MYH15: variants seen among roughly 807,000 people sequenced by gnomAD.
MYH15 encodes myosin-15.
Under a neutral mutation model 240.5 loss-of-function variants are expected in MYH15, and 227 were observed. That is an observed-to-expected ratio of 0.94 (90% confidence interval 0.85 to 1.05). MYH15 has a LOEUF of 1.05. Among genes scored for constraint, MYH15 ranks in the 50% least tolerant of loss-of-function variants. The pLI, the probability that MYH15 is intolerant of heterozygous loss-of-function variation, is 0.00. For missense variants in MYH15, 2,217 were observed against 2,247.5 expected, an observed-to-expected ratio of 0.99 and a Z score of 0.27; for synonymous variants, 785 against 796.7, an observed-to-expected ratio of 0.99 and a Z score of 0.25.
the MYH15 span, among the ~76,000 whole-genome samples, chr3:108,547,761 AAGT>A: frequency 6.6e-6 from 1 of 152,196 alleles, no homozygotes; most frequent in Non-Finnish European, 1.5e-5. Context: ...TACCTTTAAA[AAGT>A]AGGAAAATAT....
Position 108,500,268 on chromosome 3 carries a change from A to C in MYH15, c.346T>G (p.Ser116Ala), listed in dbSNP as rs1168730539. The part of the protein sequence containing the change: ...RYGQWMIYTY[S>A]GLFCVTINPY... ...TTTATGGTCACACAGAAGAGACCTG[A>C]ATATGTCTGAGGGAAAATCAGAAAA... Residue 116 changes from serine to alanine, a missense_variant, in exon 4 of 41, where the codon TCA becomes GCA. Transcript: ENST00000693548. 6 of 1,606,944 alleles carry C rather than the reference A, an allele frequency of 3.7e-6. No individual in the cohort carries two copies. The African/African-American group carries it at 8.1e-5, about 22-fold the overall frequency.
In MYH15 at chr3:108,504,130, T is replaced by A. The variant is rs76698338; in HGVS notation, c.195+1593A>T. ...TAGAGTTAGAAAGTAGATCAGTGAT[T>A]GCCTGGGGCTAGTGCAGGAGGAAAG... On this transcript the variant is annotated intron_variant, in intron 2 of 40. Transcript: ENST00000693548. Among the ~76,000 whole-genome samples the A allele has an allele frequency of 4.6e-5, 7 of 152,334 alleles. No homozygotes were observed. The East Asian group carries it at 1.3e-3, about 29-fold the overall frequency.
At chr3:108,415,209 T>G (rs947252284) in intron 29 of MYH15, among the ~76,000 whole-genome samples, 1 of 152,168 alleles carries the variant, frequency 6.6e-6, no homozygotes, top group Non-Finnish European at 1.5e-5. Flanking sequence ...TAATCTAGTG[T>G]GGAAAGAACA....
chr3:108,384,557 G>T, intron 39 of MYH15, 130 bp downstream of exon 39: 1 of 758,340 alleles, frequency 1.3e-6, no homozygotes, highest in African/African-American at 1.8e-5. Context: ...AAAAAAAACT[G>T]AGGATGAGCA....
the MYH15 span, among the ~76,000 whole-genome samples, chr3:108,545,068 A>C: frequency 2.6e-5 from 4 of 152,190 alleles, no homozygotes; most frequent in African/African-American, 9.6e-5. Context: ...TTGTAGGTAC[A>C]GTCATTAATT....
intron 10 of MYH15, among the ~76,000 whole-genome samples, chr3:108,485,445 T>C (rs1231264699): frequency 6.6e-6 from 1 of 152,226 alleles, no homozygotes; most frequent in Non-Finnish European, 1.5e-5. Flanking sequence ...CTAGGCTTGT[T>C]TAGTTCCCAA....
Position 108,428,300 on chromosome 3 carries a change from G to C in MYH15, c.3702+192C>G, listed in dbSNP as rs78383269. Among the ~76,000 whole-genome samples the C allele has an allele frequency of 5.6e-3, 855 of 152,312 alleles. 5 individuals are homozygous for C. The highest frequency in any genetic ancestry group is 0.017 in the Middle Eastern group (5 of 294). On this transcript the variant is annotated intron_variant, in intron 27 of 40. Transcript: ENST00000693548. The stretch of plus-strand genomic sequence containing the variant: ...GAGGCCACTGTCAGGTCACATTCTG[G>C]TGATGGCTGTGTGACCTTAACAATG...
intron 6 of MYH15, 67 bp from the exon 7 acceptor site, chr3:108,495,939 C>T (rs1260201101): frequency 3.3e-6 from 4 of 1,223,362 alleles, no homozygotes; most frequent in Non-Finnish European, 3.5e-6. Context: ...GCGGCAAGCC[C>T]TCCATCTCCA....
intron 10 of MYH15, 80 bp from the exon 11 acceptor site, chr3:108,485,309 C>T: frequency 1.3e-6 from 2 of 1,513,180 alleles, no homozygotes; most frequent in East Asian, 2.3e-5. Flanking sequence ...TGTGTTACAC[C>T]TCGGGCTGTG....
Position 108,526,374 on chromosome 3 carries a change from G to A in MYH15, c.-58+2889C>T, listed in dbSNP as rs539393804. Among the ~76,000 whole-genome samples, 49 of 152,226 alleles carry A rather than the reference G, an allele frequency of 3.2e-4. No individual in the cohort carries two copies. In the South Asian group the frequency reaches 9.1e-3, roughly 28 times the overall value. The stretch of plus-strand genomic sequence containing the variant: ...CTGAAATTTATTTTCCCTGTTCCCA[G>A]TTTCCCTGTTCGCTTCCTTTTTCTA... On this transcript the variant is annotated intron_variant, in intron 1 of 41. Coordinates refer to the MYH15 transcript ENST00000273353.
At chr3:108,462,786 T>C (rs752927096) in intron 16 of MYH15, among the ~76,000 whole-genome samples, 17 of 152,062 alleles carry the variant, frequency 1.1e-4, no homozygotes, top group Middle Eastern at 3.2e-3. Context: ...TAATTATATA[T>C]ATATAGTTAT....
chr3:108,421,748 T>C (rs566425544), intron 27 of MYH15, among the ~76,000 whole-genome samples: 7 of 152,232 alleles, frequency 4.6e-5, no homozygotes, highest in African/African-American at 1.7e-4. Flanking sequence ...CCAAGCAGGA[T>C]AGAAGAAAGG....
At chr3:108,539,352 C>T in the MYH15 span, among the ~76,000 whole-genome samples, 23 of 152,216 alleles carry the variant, frequency 1.5e-4, no homozygotes, top group Middle Eastern at 3.4e-3. Context: ...AGAGGTTTAG[C>T]AGGGACATGA....
upstream of MYH15, among the ~76,000 whole-genome samples, chr3:108,513,996 T>G (rs983691941): frequency 2.0e-5 from 3 of 152,172 alleles, no homozygotes; most frequent in Admixed American, 1.3e-4. Context: ...AATTTCCAGG[T>G]GTATCTTAGT....
chr3:108,450,578 A>C (rs978466642), intron 21 of MYH15, among the ~76,000 whole-genome samples: 5 of 152,212 alleles, frequency 3.3e-5, no homozygotes, highest in African/African-American at 1.2e-4. Flanking sequence ...CTCAAAGGAC[A>C]CAACGTTTCA....
rs761334625 is a variant in MYH15, at chr3:108,383,732, A to T, written c.5632-3T>A. On this transcript the variant is annotated splice_polypyrimidine_tract_variant and splice_region_variant and intron_variant, in intron 39 of 40. Coordinates refer to ENST00000693548, the MANE Select transcript of MYH15 (RefSeq NM_014981.3). Reference sequence around the variant, plus strand: ...AGGTATTGATTGGCTTGTGTTTCCTATAAAAATAAAAAAAAAAAAAAAGAA... The same window carrying T: ...AGGTATTGATTGGCTTGTGTTTCCTTTAAAAATAAAAAAAAAAAAAAAGAA... 33 of 1,451,646 alleles carry T rather than the reference A, an allele frequency of 2.3e-5. 1 individual carries two copies. The highest frequency in any genetic ancestry group is 1.3e-5 in the South Asian group (1 of 75,592). The allele number at this position is 1,451,646 out of a possible 1,614,324, so 89.9% of individuals were successfully genotyped here. A position where few individuals can be genotyped will look rare whatever the true frequency, so the allele number is the denominator to read the frequency against.
At chr3:108,507,242 T>C (rs370289818) in intron 1 of MYH15, among the ~76,000 whole-genome samples, 21 of 40,350 alleles carry the variant, frequency 5.2e-4, no homozygotes, top group African/African-American at 1.0e-3. Context: ...TATATATATA[T>C]ATATATATAT....
intron 22 of MYH15, among the ~76,000 whole-genome samples, chr3:108,443,515 G>A (rs6798068): frequency 0.21 from 31,900 of 152,122 alleles, 4,351 homozygotes; most frequent in Non-Finnish European, 0.31. Context: ...GTGCTAAGTA[G>A]AGAGGAAAGT....
intron 4 of MYH15, among the ~76,000 whole-genome samples, 168 bp from the exon 5 acceptor site, chr3:108,499,650 C>A (rs921780271): frequency 6.6e-6 from 1 of 152,076 alleles, no homozygotes; most frequent in African/African-American, 2.4e-5. Context: ...AGGGTAAAAT[C>A]GATTTTCTCT....
Sources: allele counts gnomAD v4.1 joint callset (sites outside exome capture counted in the v4.1 genomes callset), GRCh38; gene constraint gnomAD v4.1.1; transcripts MANE v1.5; gene names NCBI Gene and HGNC (gene_info 2026-07-23, HGNC 2026-07-21).